The following GABPA variants were observed in gnomAD, a reference collection of about 807,000 sequenced individuals.
GABPA encodes GA-binding protein alpha chain.
Under a neutral mutation model 59.4 loss-of-function variants are expected in GABPA, and 4 were observed. The ratio of observed to expected loss-of-function variants is 0.07; its 90% CI spans 0.03 to 0.15. The LOEUF (loss-of-function observed/expected upper bound fraction) is 0.15. GABPA is among the 10% of genes least tolerant of loss of function. The probability of loss-of-function intolerance (pLI) is 1.00; values close to 1 mark genes in which losing one functional copy is unlikely to be tolerated. For missense variants in GABPA, 251 were observed against 543.8 expected (o/e 0.46, Z 5.36); for synonymous variants, 164 against 183.1 (o/e 0.90, Z 0.84).
At chr21:25,751,680 TTTTA>T (rs2035516650) in intron 4 of GABPA, among the ~76,000 whole-genome samples, 1 of 152,070 alleles carries the variant, frequency 6.6e-6, no homozygotes. Flanking sequence ...TAATTTTTAT[TTTTA>T]TTTATCTATT....
At chr21:25,750,122 A>G (rs961088769) in intron 4 of GABPA, among the ~76,000 whole-genome samples, 1 of 152,248 alleles carries the variant, frequency 6.6e-6, no homozygotes, top group Non-Finnish European at 1.5e-5. Context: ...AGTATCAGGC[A>G]TTAAATTCTC....
chr21:25,735,311 G>C lies in GABPA; in HGVS notation c.-294G>C. 3.3e-6 allele frequency: 1 copy of C among 306,872 alleles called. No homozygotes were observed. Among genetic ancestry groups the C allele is most frequent in the Non-Finnish European group, 6.2e-6 (1 of 161,568 alleles). The allele number at this position is 306,872 out of a possible 1,614,324, so 19.0% of individuals were successfully genotyped here. ...GCGGATTGGGGCGTTGTGCTTCCTT[G>C]TACCTCGTGAGCCTCCGTTGCCTTG... On this transcript the variant is annotated 5_prime_UTR_variant, in exon 1 of 10. Coordinates refer to ENST00000400075, the MANE Select transcript of GABPA (RefSeq NM_002040.4).
In GABPA at chr21:25,771,270, T is replaced by C. The variant is rs1314505876; in HGVS notation, c.*2038T>C. 1 of 152,014 alleles carries C rather than the reference T, an allele frequency of 6.6e-6. No individual in the cohort carries two copies. Among genetic ancestry groups the C allele is most frequent in the African/African-American group, 2.4e-5 (1 of 41,454 alleles). 9.4% of individuals were successfully genotyped at this position (152,014 alleles called of 1,614,324 possible). A position where few individuals can be genotyped will look rare whatever the true frequency, so the allele number is the denominator to read the frequency against. ...CTCAATTATATATGTGTGTGTATGT[T>C]TTTAAAGCTAAAAACATTACTTTTA... On this transcript the variant is annotated 3_prime_UTR_variant, in exon 10 of 10. Coordinates refer to ENST00000400075, the MANE Select transcript of GABPA (RefSeq NM_002040.4).
At chr21:25,748,237 T>TA (rs2035417749) in intron 3 of GABPA, among the ~76,000 whole-genome samples, 1 of 152,192 alleles carries the variant, frequency 6.6e-6, no homozygotes. Context: ...CTGTTCAAGT[T>TA]AGATTCATAG....
chr21:25,751,346 G>T (rs141158454), intron 4 of GABPA, among the ~76,000 whole-genome samples: 10 of 150,632 alleles, frequency 6.6e-5, no homozygotes, highest in Admixed American at 2.0e-4. Context: ...TAGTTGAGGA[G>T]CCTTTGTATT....
intron 6 of GABPA, 115 bp downstream of exon 6, chr21:25,758,319 TTAAC>T (rs1396500074): frequency 1.4e-6 from 1 of 721,750 alleles, no homozygotes; most frequent in African/African-American, 1.8e-5. Flanking sequence ...GCAATAATAA[TTAAC>T]ATTTATTTAC....
At chr21:25,763,576 C>T (rs141904100) in intron 7 of GABPA, among the ~76,000 whole-genome samples, 21 of 152,232 alleles carry the variant, frequency 1.4e-4, no homozygotes, top group Non-Finnish European at 1.5e-4. Context: ...ACTATGTAAT[C>T]GTAAACACTG....
chr21:25,749,215 T>A, intron 4 of GABPA, 95 bp downstream of exon 4: 1 of 709,180 alleles, frequency 1.4e-6, no homozygotes, highest in Non-Finnish European at 2.4e-6. Flanking sequence ...GTTGTCTACA[T>A]TACTTGATAT....
intron 6 of GABPA, among the ~76,000 whole-genome samples, chr21:25,760,643 T>G (rs6516688): frequency 1 from 152,197 of 152,198 alleles, 76,098 homozygotes; most frequent in Middle Eastern, 1. Flanking sequence ...CAAAGGCAAA[T>G]GAAGTTCTCA....
chr21:25,746,714 G>A (rs149032768), intron 3 of GABPA, among the ~76,000 whole-genome samples: 1 of 152,108 alleles, frequency 6.6e-6, no homozygotes, highest in Admixed American at 6.5e-5. Context: ...AACAATGAGA[G>A]GATGAGTTAG....
Position 25,735,167 on chromosome 21 carries a change from G to A in GABPA, c.-438G>A. 1 of 616,782 alleles carries A rather than the reference G, an allele frequency of 1.6e-6. No individual in the cohort carries two copies. 38.2% of individuals were successfully genotyped at this position (616,782 alleles called of 1,614,324 possible). ...CCCTCCTTGAAACCTTGCTCTGTAC[G>A]CATGCGCTCTTTGAGTGGCCTTTCC... On this transcript the variant is annotated 5_prime_UTR_variant, in exon 1 of 10. Coordinates refer to ENST00000400075, the MANE Select transcript of GABPA (RefSeq NM_002040.4).
At chr21:25,738,923 A>G (rs1372585187) in intron 1 of GABPA, among the ~76,000 whole-genome samples, 6 of 150,588 alleles carry the variant, frequency 4.0e-5, no homozygotes, top group African/African-American at 1.5e-4. Context: ...AGCATCAGCA[A>G]GAAAAAAAAA....
rs957562955 is a variant in GABPA at position 25,735,261 on chromosome 21, G to A, written c.-344G>A. The A allele has an allele frequency of 7.8e-6, 4 of 510,888 alleles. No homozygotes were observed. Among genetic ancestry groups the A allele is most frequent in the African/African-American group, 5.8e-5 (3 of 52,156 alleles). The allele number at this position is 510,888 out of a possible 1,614,324, so 31.6% of individuals were successfully genotyped here. On this transcript the variant is annotated 5_prime_UTR_variant, in exon 1 of 10. Coordinates refer to ENST00000400075, the MANE Select transcript of GABPA (RefSeq NM_002040.4). ...GTTATCGAAGTGTATAAAGGTGCAG[G>A]GAAAGTGAGACTGTGTAAAACAAAG...
chr21:25,758,020 G>A lies in GABPA; in HGVS notation c.564G>A (p.Gln188=). The stretch of plus-strand genomic sequence containing the variant: ...TATTTTTCTTTCTAGATCCCATACA[G>A]TGGTCCACAGACCAAGTCCTGCATT... The part of the protein sequence containing the change: ...ERLGIPYDPI[Q]WSTDQVLHWV... The change falls in exon 6 of 10, where the codon CAG becomes CAA. Residue 188 remains glutamine, a synonymous_variant. Coordinates refer to ENST00000400075, the MANE Select transcript of GABPA (RefSeq NM_002040.4). The A allele has an allele frequency of 6.3e-7, 1 of 1,577,286 alleles. No individual in the cohort carries two copies. Among genetic ancestry groups the A allele is most frequent in the Middle Eastern group, 2.3e-4 (1 of 4,374 alleles).
At chr21:25,748,935 A>G in intron 3 of GABPA, 101 bp from the exon 4 acceptor site, 1 of 731,380 alleles carries the variant, frequency 1.4e-6, no homozygotes, top group South Asian at 1.6e-5. Context: ...ATGTTCAGTA[A>G]TTAAGTTCTG....
At chr21:25,736,671 T>A (rs1198378699) in intron 1 of GABPA, among the ~76,000 whole-genome samples, 1 of 152,186 alleles carries the variant, frequency 6.6e-6, no homozygotes, top group Admixed American at 6.5e-5. Context: ...CTGTTGACTT[T>A]AGCCTTCCCT....
chr21:25,742,451 C>G (rs546562553), intron 2 of GABPA, among the ~76,000 whole-genome samples: 70 of 152,172 alleles, frequency 4.6e-4, no homozygotes, highest in Non-Finnish European at 8.2e-4. Context: ...AAGGAGGATA[C>G]TGAGTATTGA....
intron 2 of GABPA, among the ~76,000 whole-genome samples, chr21:25,743,849 G>A (rs1319922481): frequency 2.6e-5 from 4 of 152,002 alleles, no homozygotes; most frequent in East Asian, 3.9e-4. Flanking sequence ...TCAAGAGATC[G>A]AGACCATCCT....
intron 7 of GABPA, 39 bp downstream of exon 7, chr21:25,762,404 G>T (rs1315301655): frequency 1.4e-6 from 2 of 1,398,634 alleles, no homozygotes; most frequent in African/African-American, 2.9e-5. Context: ...TTATTAATAA[G>T]AAATGTTTAT....
Sources: gnomAD v4.1 joint callset for allele counts (sites outside exome capture counted in the v4.1 genomes callset) on GRCh38, gnomAD v4.1.1 for gene constraint, MANE v1.5 for transcripts, NCBI Gene and HGNC (gene_info 2026-07-23, HGNC 2026-07-21) for gene names.